NRXN1: variants seen among roughly 807,000 people sequenced by gnomAD.
The protein encoded by NRXN1 is neurexin-1.
NRXN1 carries 39 observed loss-of-function variants against 150.9 expected under a neutral mutation model. The observed-to-expected ratio is 0.26, with a 90% confidence interval of 0.20 to 0.34. The LOEUF is 0.34. NRXN1 is among the 10% of genes least tolerant of loss of function. The pLI, the probability that NRXN1 is intolerant of heterozygous loss-of-function variation, is 1.00. For missense variants in NRXN1, 1,815 were observed against 1,949.9 expected (o/e 0.93, Z 1.30); for synonymous variants, 924 against 757.0 (o/e 1.22, Z -3.62).
rs1559116501 is a variant in NRXN1, at chr2:50,220,001, T to TATAA, written c.3546+16787_3546+16788insTTAT. On this transcript the variant is annotated intron_variant, in intron 18 of 22. Coordinates refer to ENST00000401669, the MANE Select transcript of NRXN1 (RefSeq NM_001330078.2). ...ATATATATATTATATATAATATATA[T>TATAA]TATATAATATATTATATATATATAT... Among the ~76,000 whole-genome samples, 59 of 37,876 alleles carry TATAA rather than the reference T, an allele frequency of 1.6e-3. 1 individual carries two copies. Among genetic ancestry groups the TATAA allele is most frequent in the African/African-American group, 4.5e-3 (32 of 7,122 alleles). The allele number at this position is 37,876 out of a possible 152,430, so 24.8% of individuals were successfully genotyped here.
intron 5 of NRXN1, among the ~76,000 whole-genome samples, chr2:50,674,365 G>A (rs1387204555): frequency 1.3e-5 from 2 of 152,116 alleles, no homozygotes; most frequent in Admixed American, 1.3e-4. Flanking sequence ...AGCACGGACA[G>A]TAGAGGAAAG....
chr2:50,611,270 A>G (rs1237676298), intron 8 of NRXN1, among the ~76,000 whole-genome samples: 1 of 152,148 alleles, frequency 6.6e-6, no homozygotes, highest in Non-Finnish European at 1.5e-5. Flanking sequence ...GAACCCCCTG[A>G]CAGACCATGC....
At chr2:50,959,155 T>C (rs986272433) in intron 2 of NRXN1, among the ~76,000 whole-genome samples, 7 of 152,074 alleles carry the variant, frequency 4.6e-5, no homozygotes, top group African/African-American at 1.7e-4. Context: ...CATACACTGC[T>C]GATAAAAATG....
intron 5 of NRXN1, among the ~76,000 whole-genome samples, chr2:50,820,476 C>T (rs1206741078): frequency 6.6e-6 from 1 of 152,072 alleles, no homozygotes; most frequent in East Asian, 1.9e-4. Context: ...CTGCTATGGA[C>T]CTCATTTAAG....
chr2:50,942,981 G>T (rs1045434261), intron 2 of NRXN1, among the ~76,000 whole-genome samples: 1 of 152,160 alleles, frequency 6.6e-6, no homozygotes, highest in African/African-American at 2.4e-5. Context: ...GGAGTTAGGG[G>T]AGTGGCCTGT....
intron 17 of NRXN1, among the ~76,000 whole-genome samples, chr2:50,414,533 CAA>C (rs2083407077): frequency 6.6e-6 from 1 of 151,584 alleles, no homozygotes; most frequent in Non-Finnish European, 1.5e-5. Context: ...AAAAAACAAA[CAA>C]GATATAAAAT....
intron 17 of NRXN1, among the ~76,000 whole-genome samples, chr2:50,291,310 C>T (rs1395148795): frequency 3.3e-5 from 5 of 152,128 alleles, no homozygotes; most frequent in South Asian, 2.1e-4. Context: ...AAATGAAATA[C>T]GCATAACTAT....
At chr2:50,929,959 C>T (rs552283732) in intron 2 of NRXN1, among the ~76,000 whole-genome samples, 27 of 152,020 alleles carry the variant, frequency 1.8e-4, no homozygotes, top group Non-Finnish European at 2.4e-4. Flanking sequence ...AATAGAAATG[C>T]GGCCCAGAAC....
intron 17 of NRXN1, among the ~76,000 whole-genome samples, chr2:50,273,692 C>T (rs1267045251): frequency 6.6e-6 from 1 of 152,026 alleles, no homozygotes; most frequent in Admixed American, 6.6e-5. Flanking sequence ...TTTATATACA[C>T]AACCCAAAGT....
At chr2:50,233,119 A>C (rs1014697768) in intron 18 of NRXN1, among the ~76,000 whole-genome samples, 5 of 152,108 alleles carry the variant, frequency 3.3e-5, no homozygotes, top group African/African-American at 2.4e-5. Context: ...TCAATGTATA[A>C]TTTATTAAAT....
At chr2:50,590,504 C>T (rs1356977057) in intron 8 of NRXN1, among the ~76,000 whole-genome samples, 1 of 152,064 alleles carries the variant, frequency 6.6e-6, no homozygotes, top group Admixed American at 6.6e-5. Flanking sequence ...ATTGCATTCC[C>T]CTGGACAACT....
chr2:50,265,552 G>T (rs535172326), intron 17 of NRXN1, among the ~76,000 whole-genome samples: 1 of 152,258 alleles, frequency 6.6e-6, no homozygotes, highest in Non-Finnish European at 1.5e-5. Flanking sequence ...CTAGTTCCTG[G>T]ACAGAATGCC....
At chr2:50,573,691 T>C (rs1472377833) in intron 8 of NRXN1, among the ~76,000 whole-genome samples, 1 of 151,534 alleles carries the variant, frequency 6.6e-6, no homozygotes, top group African/African-American at 2.4e-5. Flanking sequence ...GATGGAGAAT[T>C]TGAAAATCTG....
intron 18 of NRXN1, among the ~76,000 whole-genome samples, chr2:50,148,935 C>G (rs1181865385): frequency 6.6e-6 from 1 of 151,582 alleles, no homozygotes; most frequent in East Asian, 1.9e-4. Flanking sequence ...TATGGGGGTG[C>G]CAGAGAGGGT....
At chr2:50,538,727 T>C (rs1241001547) in intron 9 of NRXN1, 91 bp from the exon 10 acceptor site, 4 of 1,038,678 alleles carry the variant, frequency 3.9e-6, no homozygotes, top group Non-Finnish European at 5.2e-6. Context: ...GATGGTTAAC[T>C]CCTTGGAGGC....
At chr2:50,835,535 C>T (rs1413537645) in intron 5 of NRXN1, among the ~76,000 whole-genome samples, 1 of 152,086 alleles carries the variant, frequency 6.6e-6, no homozygotes, top group East Asian at 1.9e-4. Context: ...TTTAAAAATG[C>T]AAATGTTTCC....
chr2:50,869,926 T>C (rs1238955011), intron 5 of NRXN1, among the ~76,000 whole-genome samples: 2 of 151,882 alleles, frequency 1.3e-5, no homozygotes, highest in Non-Finnish European at 2.9e-5. Context: ...GAGCATCTGC[T>C]CAGGGCTAAA....
chr2:50,345,561 T>G (rs1041011860), intron 17 of NRXN1, among the ~76,000 whole-genome samples: 3 of 152,212 alleles, frequency 2.0e-5, no homozygotes, highest in Admixed American at 6.5e-5. Flanking sequence ...TACACCGGGG[T>G]AGAATAAAAA....
Position 50,354,554 on chromosome 2 carries a change from C to CATATATATATATATATAT in NRXN1, c.3364+110870_3364+110887dup, listed in dbSNP as rs71404946. ...ACTACCTTAGCGTCTAGAGTGCATA[C>CATATATATATATATATAT]ATATATATATATATATATATATATA... On this transcript the variant is annotated intron_variant, in intron 17 of 22. Coordinates refer to ENST00000401669, the MANE Select transcript of NRXN1 (RefSeq NM_001330078.2). 1.8e-3 allele frequency among the ~76,000 whole-genome samples: 181 copies of CATATATATATATATATAT among 100,066 alleles called. 2 individuals are homozygous for CATATATATATATATATAT. The highest frequency in any genetic ancestry group is 5.2e-3 in the South Asian group (15 of 2,912). The allele number at this position is 100,066 out of a possible 152,430, so 65.6% of individuals were successfully genotyped here.
Sources: allele counts gnomAD v4.1 joint callset (sites outside exome capture counted in the v4.1 genomes callset), GRCh38; gene constraint gnomAD v4.1.1; transcripts MANE v1.5; gene names NCBI Gene and HGNC (gene_info 2026-07-23, HGNC 2026-07-21).